The following MYO18B variants were observed in gnomAD, a reference collection of about 807,000 sequenced individuals.
MYO18B encodes unconventional myosin-XVIIIb.
A neutral mutation model predicts 273.0 loss-of-function variants in MYO18B; 204 were observed. That is an observed-to-expected ratio of 0.75 (90% CI 0.67 to 0.84). MYO18B has a LOEUF of 0.84. MYO18B is among the 40% of genes least tolerant of loss of function. MYO18B has a pLI of 0.00. For synonymous variants in MYO18B, 1,330 were observed against 1,305.7 expected, an observed-to-expected ratio of 1.02 and a Z score of -0.40; for missense variants, 3,212 against 3,287.6, an observed-to-expected ratio of 0.98 and a Z score of 0.56.
At chr22:26,020,964 C>T (rs1372870557) in intron 42 of MYO18B, among the ~76,000 whole-genome samples, 1 of 152,168 alleles carries the variant, frequency 6.6e-6, no homozygotes, top group African/African-American at 2.4e-5. Context: ...TGGTGTGCAC[C>T]TGTAATCCCA....
intron 39 of MYO18B, among the ~76,000 whole-genome samples, chr22:25,989,871 G>A (rs527394272): frequency 5.3e-5 from 8 of 151,890 alleles, no homozygotes; most frequent in Non-Finnish European, 1.2e-4. Context: ...GAGCTGACAT[G>A]CTGATGTCCT....
intron 13 of MYO18B, 38 bp from the exon 14 acceptor site, chr22:25,826,371 T>C (rs1184688022): frequency 6.4e-7 from 1 of 1,553,702 alleles, no homozygotes; most frequent in Non-Finnish European, 8.8e-7. Context: ...CCAGGCAAGA[T>C]CCCTAACCAA....
At chr22:25,853,230 C>T (rs759243890) in intron 21 of MYO18B, among the ~76,000 whole-genome samples, 22 of 152,106 alleles carry the variant, frequency 1.4e-4, no homozygotes, top group Non-Finnish European at 2.8e-4. Flanking sequence ...CCTGTTGCAA[C>T]TGCATGTGCC....
intron 15 of MYO18B, among the ~76,000 whole-genome samples, chr22:25,831,800 C>T (rs6004787): frequency 0.21 from 32,625 of 152,068 alleles, 3,654 homozygotes; most frequent in Non-Finnish European, 0.25. Context: ...AAGTTTGGAC[C>T]GAGTTATCAG....
intron 39 of MYO18B, among the ~76,000 whole-genome samples, chr22:25,975,077 G>C (rs2093074508): frequency 6.6e-6 from 1 of 152,172 alleles, no homozygotes; most frequent in Non-Finnish European, 1.5e-5. Context: ...AGATGATCCT[G>C]AGTGCCTGGG....
chr22:26,002,425 A>G (rs538056729), intron 40 of MYO18B, among the ~76,000 whole-genome samples: 58 of 152,320 alleles, frequency 3.8e-4, no homozygotes, highest in Admixed American at 1.8e-3. Flanking sequence ...GGACAAATGC[A>G]TGTAAATAGA....
chr22:25,978,538 G>T (rs2093117416), intron 39 of MYO18B, among the ~76,000 whole-genome samples: 1 of 152,224 alleles, frequency 6.6e-6, no homozygotes, highest in African/African-American at 2.4e-5. Context: ...GAACTGAGAA[G>T]ACACTGAAGA....
chr22:25,998,107 T>C (rs1933535309), intron 40 of MYO18B, among the ~76,000 whole-genome samples: 1 of 152,212 alleles, frequency 6.6e-6, no homozygotes, highest in South Asian at 2.1e-4. Context: ...CCTTCCAGGC[T>C]GGAAACGTGG....
chr22:25,751,993 T>C (rs1179721096), intron 1 of MYO18B, among the ~76,000 whole-genome samples: 1 of 152,158 alleles, frequency 6.6e-6, no homozygotes, highest in African/African-American at 2.4e-5. Context: ...GAGAGCTCCC[T>C]GGGGTGTCAA....
chr22:25,794,779 C>T (rs1482764665), intron 11 of MYO18B, among the ~76,000 whole-genome samples: 1 of 152,242 alleles, frequency 6.6e-6, no homozygotes, highest in Non-Finnish European at 1.5e-5. Context: ...GCTGGGATTA[C>T]AGGCGTGAGC....
At chr22:25,963,125 T>A (rs1037157936) in intron 39 of MYO18B, among the ~76,000 whole-genome samples, 1 of 150,740 alleles carries the variant, frequency 6.6e-6, no homozygotes, top group African/African-American at 2.5e-5. Context: ...CTCTCTCTCC[T>A]CTTTCTCTTT....
intron 4 of MYO18B, among the ~76,000 whole-genome samples, chr22:25,769,866 T>TC (rs1390415038): frequency 1.3e-5 from 2 of 152,066 alleles, no homozygotes; most frequent in African/African-American, 4.8e-5. Context: ...AGTATTTTTT[T>TC]TTTTTTTGAG....
chr22:25,949,670 T>C (rs1470231857), intron 36 of MYO18B, among the ~76,000 whole-genome samples: 1 of 152,206 alleles, frequency 6.6e-6, no homozygotes, highest in Non-Finnish European at 1.5e-5. Flanking sequence ...AAATAGCCTA[T>C]GCCAATGTCT....
intron 30 of MYO18B, chr22:25,903,369 C>T (rs2091976237): frequency 4.4e-6 from 2 of 455,926 alleles, no homozygotes; most frequent in African/African-American, 2.0e-5. Context: ...CCTGTAGGTG[C>T]TCTGAGATCG....
At position 25,785,480 on chromosome 22, in the gene MYO18B, G is replaced by A. The variant is rs766189696; in HGVS notation, c.2365G>A (p.Val789Met). ...MADSSSFGMG[V>M]WSKPEDKQKA... is the part of the protein sequence containing the mutation. ...AGATAGCAGCTCCTTTGGCATGGGC[G>A]TGTGGTCCAAGGTAAGGAGGAGGTC... Residue 789 changes from valine to methionine, a missense_variant, in exon 11 of 44, where the codon GTG (valine) becomes ATG (methionine). By Grantham distance (21) the Val-to-Met change is conservative. Transcript: ENST00000335473. The A allele has an allele frequency of 1.5e-5, 24 of 1,612,086 alleles. No homozygotes were observed. Among genetic ancestry groups the A allele is most frequent in the Non-Finnish European group, 1.8e-5 (21 of 1,179,128 alleles).
At chr22:25,944,885 A>T (rs2285207) in intron 34 of MYO18B, among the ~76,000 whole-genome samples, 88,954 of 150,012 alleles carry the variant, frequency 0.59, 28,455 homozygotes, top group Middle Eastern at 0.74. Context: ...AGTTCAGAAG[A>T]GGCAGCTGCC....
At chr22:26,051,216 C>CTTTTTTTTT in the MYO18B span, among the ~76,000 whole-genome samples, 5 of 92,586 alleles carry the variant, frequency 5.4e-5, no homozygotes, top group Non-Finnish European at 5.8e-5. Flanking sequence ...TAATTGGTCC[C>CTTTTTTTTT]TTTTTTTTTT....
chr22:26,000,970 TA>T (rs11296825), intron 40 of MYO18B, among the ~76,000 whole-genome samples: 18,946 of 152,212 alleles, frequency 0.12, 1,249 homozygotes, highest in African/African-American at 0.15. Flanking sequence ...CCATCTTTTT[TA>T]TTTGTCCTTG....
At chr22:26,056,253 A>G in the MYO18B span, among the ~76,000 whole-genome samples, 2 of 152,240 alleles carry the variant, frequency 1.3e-5, no homozygotes, top group Admixed American at 1.3e-4. Context: ...GGAACCCTCC[A>G]AAGAACTCAG....
Sources: gnomAD v4.1 joint callset for allele counts (sites outside exome capture counted in the v4.1 genomes callset) on GRCh38, gnomAD v4.1.1 for gene constraint, MANE v1.5 for transcripts, NCBI Gene and HGNC (gene_info 2026-07-23, HGNC 2026-07-21) for gene names.